The following ARHGAP12 variants were observed in gnomAD, a reference collection of about 807,000 sequenced individuals.
ARHGAP12 encodes the protein Rho GTPase activating protein 12.
In ARHGAP12, 64 loss-of-function variants were observed where a neutral mutation model predicts 108.6. The ratio of observed to expected loss-of-function variants is 0.59; its 90% CI spans 0.48 to 0.73. ARHGAP12 has a LOEUF of 0.73. Among genes scored for constraint, ARHGAP12 ranks in the 30% least tolerant of loss-of-function variants. The pLI, the probability that ARHGAP12 is intolerant of heterozygous loss-of-function variation, is 0.00. For missense variants in ARHGAP12, 940 were observed against 1,005.9 expected (o/e 0.93, Z 0.89); for synonymous variants, 312 against 337.2 (o/e 0.93, Z 0.82).
At chr10:31,903,731 A>G (rs1839016299) in intron 3 of ARHGAP12, among the ~76,000 whole-genome samples, 1 of 150,214 alleles carries the variant, frequency 6.7e-6, no homozygotes, top group South Asian at 2.1e-4. Context: ...TATCTAAACT[A>G]TGTAAAAAAA....
Position 31,812,798 on chromosome 10 carries a change from A to G in ARHGAP12, c.1860T>C (p.Ser620=), listed in dbSNP as rs1307400714. 6.2e-7 allele frequency: 1 copy of G among 1,606,154 alleles called. No individual in the cohort carries two copies. Among genetic ancestry groups the G allele is most frequent in the Non-Finnish European group, 8.5e-7 (1 of 1,176,526 alleles). ...TTTTCTTGGTTTTTTTCTGTTCTGAAGAATCTATGCTAGATACTTTAAAGG... is the reference window on the plus strand; with the variant it reads ...TTTTCTTGGTTTTTTTCTGTTCTGAGGAATCTATGCTAGATACTTTAAAGG... ...LRSFKVSSID[S]SEQKKTKKNL... The change falls in exon 15 of 20, where the codon TCT becomes TCC. Residue 620 remains serine (S), a synonymous_variant. Coordinates refer to ENST00000344936, the MANE Select transcript of ARHGAP12 (RefSeq NM_018287.7).
At chr10:31,907,147 T>C (rs1839163889) in intron 3 of ARHGAP12, among the ~76,000 whole-genome samples, 1 of 152,168 alleles carries the variant, frequency 6.6e-6, no homozygotes, top group Non-Finnish European at 1.5e-5. Context: ...TCGCAATTAT[T>C]CCCAGACTTG....
chr10:31,924,491 A>G (rs890644486), intron 1 of ARHGAP12, among the ~76,000 whole-genome samples: 4 of 152,214 alleles, frequency 2.6e-5, no homozygotes, highest in Non-Finnish European at 5.9e-5. Context: ...ATCATATAGT[A>G]TGTAGCCTTC....
intron 3 of ARHGAP12, among the ~76,000 whole-genome samples, chr10:31,866,709 T>C (rs1837339356): frequency 6.6e-6 from 1 of 152,038 alleles, no homozygotes. Flanking sequence ...TCTGCCTCCC[T>C]GTTTCAAGCG....
intron 1 of ARHGAP12, among the ~76,000 whole-genome samples, chr10:31,920,715 G>C (rs1467639863): frequency 1.3e-5 from 2 of 152,126 alleles, no homozygotes; most frequent in Non-Finnish European, 2.9e-5. Context: ...GTGCTGGCAA[G>C]TATTCCAGAA....
At chr10:31,888,062 G>T (rs1045969418) in intron 3 of ARHGAP12, among the ~76,000 whole-genome samples, 3 of 152,032 alleles carry the variant, frequency 2.0e-5, no homozygotes, top group African/African-American at 7.3e-5. Context: ...TCTATTCCTT[G>T]CCAGCTCCCT....
chr10:31,817,401 T>C (rs1835244034), intron 13 of ARHGAP12, among the ~76,000 whole-genome samples: 1 of 152,202 alleles, frequency 6.6e-6, no homozygotes, highest in Admixed American at 6.5e-5. Flanking sequence ...AAAGTGCTAA[T>C]GAAGAGACTA....
At position 31,875,618 on chromosome 10, in the gene ARHGAP12, A is replaced by G. The variant is rs974211562; in HGVS notation, c.685-13960T>C. ...TTCATCCTAAAGTTCCACAAAACTG[A>G]GGCCTGTCTAGACACTATTCATTCC... On this transcript the variant is annotated intron_variant, in intron 3 of 19. Coordinates refer to ENST00000344936, the MANE Select transcript of ARHGAP12 (RefSeq NM_018287.7). Among the ~76,000 whole-genome samples, 6 of 152,346 alleles carry G rather than the reference A, an allele frequency of 3.9e-5. No homozygotes were observed. The East Asian group carries it at 7.7e-4, about 20-fold the overall frequency.
chr10:31,877,661 T>C (rs1837781939), intron 3 of ARHGAP12, among the ~76,000 whole-genome samples: 1 of 152,266 alleles, frequency 6.6e-6, no homozygotes, highest in South Asian at 2.1e-4. Context: ...TCCCATTGTG[T>C]GCGTTACAAC....
chr10:31,895,687 C>T (rs1838652499), intron 3 of ARHGAP12, among the ~76,000 whole-genome samples: 1 of 152,134 alleles, frequency 6.6e-6, no homozygotes, highest in South Asian at 2.1e-4. Flanking sequence ...GTGGCGATTC[C>T]TCAAGGATCT....
chr10:31,827,123 G>A (rs1011366246), intron 10 of ARHGAP12: 1 of 152,104 alleles, frequency 6.6e-6, no homozygotes, highest in African/African-American at 2.4e-5. Flanking sequence ...AGATACAGAG[G>A]TACGCCTCAC....
intron 15 of ARHGAP12, among the ~76,000 whole-genome samples, chr10:31,810,976 C>G (rs563774892): frequency 3.2e-4 from 49 of 152,310 alleles, no homozygotes; most frequent in African/African-American, 1.1e-3. Flanking sequence ...TTTGTACTTT[C>G]TACTGCTTTT....
chr10:31,824,689 C>G (rs1056649611), intron 11 of ARHGAP12, among the ~76,000 whole-genome samples: 18 of 152,214 alleles, frequency 1.2e-4, no homozygotes, highest in African/African-American at 4.3e-4. Flanking sequence ...TTCATTTCAT[C>G]TAAATCACAT....
intron 3 of ARHGAP12, among the ~76,000 whole-genome samples, chr10:31,869,481 G>A (rs563094206): frequency 3.0e-4 from 46 of 151,992 alleles, no homozygotes; most frequent in African/African-American, 1.1e-3. Flanking sequence ...AGGTTGCAGT[G>A]AGCCAAGACT....
intron 7 of ARHGAP12, among the ~76,000 whole-genome samples, chr10:31,840,850 T>A (rs1234811442): frequency 1.3e-5 from 2 of 152,150 alleles, no homozygotes; most frequent in Non-Finnish European, 2.9e-5. Flanking sequence ...AACAAGGTAC[T>A]ATTAATGGAG....
chr10:31,897,112 T>G (rs1372776706), intron 3 of ARHGAP12, among the ~76,000 whole-genome samples: 1 of 152,060 alleles, frequency 6.6e-6, no homozygotes, highest in Non-Finnish European at 1.5e-5. Context: ...ATCAGCTTCC[T>G]ACAGTAAAGA....
At chr10:31,882,684 G>T (rs1186386614) in intron 3 of ARHGAP12, among the ~76,000 whole-genome samples, 1 of 151,352 alleles carries the variant, frequency 6.6e-6, no homozygotes, top group Non-Finnish European at 1.5e-5. Flanking sequence ...GTGGTGGCAC[G>T]TGCCTGTAAT....
intron 3 of ARHGAP12, among the ~76,000 whole-genome samples, chr10:31,895,604 G>A (rs918588101): frequency 6.6e-6 from 1 of 152,232 alleles, no homozygotes; most frequent in Non-Finnish European, 1.5e-5. Context: ...AGGTGCTGGA[G>A]AGGATGTAGA....
intron 1 of ARHGAP12, 79 bp downstream of exon 1, chr10:31,928,604 A>AGCCCGGCCCCGGCGCGCCTT (rs1489343866): frequency 1.3e-5 from 2 of 152,386 alleles, no homozygotes; most frequent in African/African-American, 4.8e-5. Flanking sequence ...CGGCGGGCAC[A>AGCCCGGCCCCGGCGCGCCTT]GCCCGGCCCC....
Sources: gnomAD v4.1 joint callset for allele counts (sites outside exome capture counted in the v4.1 genomes callset) on GRCh38, gnomAD v4.1.1 for gene constraint, MANE v1.5 for transcripts, NCBI Gene and HGNC (gene_info 2026-07-23, HGNC 2026-07-21) for gene names.